The following PRMT8 variants were observed in gnomAD, a reference collection of about 807,000 sequenced individuals.
The protein encoded by PRMT8 is protein arginine methyltransferase 8.
PRMT8 carries 7 observed loss-of-function variants against 47.1 expected under a neutral mutation model. That is an observed-to-expected ratio of 0.15 (90% CI 0.08 to 0.28). PRMT8 has a LOEUF of 0.28. Among genes scored for constraint, PRMT8 ranks in the 10% least tolerant of loss-of-function variants. The pLI, the probability that PRMT8 is intolerant of heterozygous loss-of-function variation, is 1.00. For missense variants in PRMT8, 237 were observed against 505.4 expected (o/e 0.47, Z 5.09); for synonymous variants, 188 against 186.5 (o/e 1.01, Z -0.07).
intron 2 of PRMT8, among the ~76,000 whole-genome samples, chr12:3,543,694 C>A (rs1292219614): frequency 6.6e-6 from 1 of 152,220 alleles, no homozygotes; most frequent in South Asian, 2.1e-4. Context: ...CTTCTGTTCT[C>A]ATCCCATGCT....
intron 1 of PRMT8, among the ~76,000 whole-genome samples, 191 bp downstream of exon 1, chr12:3,491,891 G>GTGT (rs1865415470): frequency 2.1e-5 from 2 of 94,544 alleles, no homozygotes; most frequent in Non-Finnish European, 2.3e-5. Context: ...TGTGTGTGTT[G>GTGT]GTGGGGGGTG....
chr12:3,452,539 G>C (rs943876056), intron 1 of PRMT8, among the ~76,000 whole-genome samples: 3 of 152,222 alleles, frequency 2.0e-5, no homozygotes, highest in Non-Finnish European at 4.4e-5. Context: ...TCCAGGGGCA[G>C]AACCTGGGTT....
intron 1 of PRMT8, among the ~76,000 whole-genome samples, chr12:3,522,041 C>A (rs1865887368): frequency 6.6e-6 from 1 of 152,146 alleles, no homozygotes; most frequent in African/African-American, 2.4e-5. Flanking sequence ...AAATCAAAGT[C>A]TCAGAAAGTA....
intron 1 of PRMT8, among the ~76,000 whole-genome samples, chr12:3,463,956 A>G (rs1565414023): frequency 1.3e-5 from 2 of 152,312 alleles, no homozygotes; most frequent in Admixed American, 6.5e-5. Flanking sequence ...AAAGGTACCA[A>G]TATTACCGGA....
chr12:3,393,205 C>G (rs202200056), intron 1 of PRMT8, among the ~76,000 whole-genome samples: 56 of 145,454 alleles, frequency 3.9e-4, no homozygotes, highest in South Asian at 2.0e-3. Context: ...TGTGCAGAAG[C>G]TCTTTAGTTT....
chr12:3,441,146 C>G (rs535046819), intron 1 of PRMT8, among the ~76,000 whole-genome samples: 4 of 152,242 alleles, frequency 2.6e-5, no homozygotes, highest in Admixed American at 1.3e-4. Context: ...CAAATTCTAC[C>G]ACATTGCTCT....
At position 3,452,316 on chromosome 12, in the gene PRMT8, A is replaced by AACACAC. The variant is rs10630697; in HGVS notation, c.48+70888_48+70893dup. 1.9e-3 allele frequency among the ~76,000 whole-genome samples: 283 copies of AACACAC among 150,160 alleles called. 2 individuals carry two copies. Among genetic ancestry groups the AACACAC allele is most frequent in the African/African-American group, 5.6e-3 (229 of 41,096 alleles). ...CACATGTGCCCCTGAACCTAAATTA[A>AACACAC]ACACACACACACACACACATACACA... On this transcript the variant is annotated intron_variant, in intron 1 of 9. Coordinates refer to the PRMT8 transcript ENST00000452611.
intron 1 of PRMT8, among the ~76,000 whole-genome samples, chr12:3,396,707 C>T (rs1315868773): frequency 3.3e-5 from 5 of 151,546 alleles, no homozygotes; most frequent in Admixed American, 2.0e-4. Flanking sequence ...TTGCTCTTCT[C>T]GAGGAGTATC....
In PRMT8 at chr12:3,439,350, C is replaced by T. The variant is rs796364400; in HGVS notation, c.48+57908C>T. ...TGGTCTCTTTCTCTCCCTGTCTCTC[C>T]TGGGTACCGGTGGTCTCAACAGAAT... On this transcript the variant is annotated intron_variant, in intron 1 of 9. Transcript: ENST00000452611. Among the ~76,000 whole-genome samples the T allele has an allele frequency of 2.0e-5, 3 of 152,140 alleles. No homozygotes were observed. The South Asian group carries it at 6.2e-4, about 32-fold the overall frequency.
At chr12:3,544,212 G>A (rs1866285618) in intron 2 of PRMT8, among the ~76,000 whole-genome samples, 1 of 152,210 alleles carries the variant, frequency 6.6e-6, no homozygotes, top group African/African-American at 2.4e-5. Flanking sequence ...TGTCTTGGGA[G>A]TTCTTTGGGC....
At chr12:3,416,630 T>C (rs1864486327) in intron 1 of PRMT8, among the ~76,000 whole-genome samples, 1 of 152,236 alleles carries the variant, frequency 6.6e-6, no homozygotes. Context: ...AGCACAGAGC[T>C]CTTTACAGGA....
chr12:3,451,068 TG>T (rs1223648237), intron 1 of PRMT8, among the ~76,000 whole-genome samples: 1 of 90,320 alleles, frequency 1.1e-5, no homozygotes, highest in Non-Finnish European at 2.1e-5. Context: ...CGAAAGGTTT[TG>T]GGACCCCAGG....
chr12:3,509,598 C>T (rs1172953606), intron 1 of PRMT8, among the ~76,000 whole-genome samples: 1 of 152,200 alleles, frequency 6.6e-6, no homozygotes, highest in Non-Finnish European at 1.5e-5. Context: ...GTTCAATGAA[C>T]TATCATTGGC....
chr12:3,469,353 G>T, intron 1 of PRMT8: 3 of 311,230 alleles, frequency 9.6e-6, no homozygotes, highest in South Asian at 3.2e-5. Context: ...AGTGGAAATT[G>T]TCCTTAGAAG....
intron 1 of PRMT8, among the ~76,000 whole-genome samples, chr12:3,399,601 G>A (rs1245258004): frequency 6.6e-6 from 1 of 152,166 alleles, no homozygotes; most frequent in Non-Finnish European, 1.5e-5. Flanking sequence ...TACCTGAAAT[G>A]ATGTCCTTGG....
chr12:3,490,714 AGAGAG>A (rs1565420862), upstream of PRMT8, among the ~76,000 whole-genome samples: 4 of 148,010 alleles, frequency 2.7e-5, no homozygotes, highest in African/African-American at 7.5e-5. Flanking sequence ...AGAGAGAGAG[AGAGAG>A]AAAAGGATAA....
intron 1 of PRMT8, among the ~76,000 whole-genome samples, chr12:3,408,392 C>G (rs1432818898): frequency 6.6e-6 from 1 of 152,038 alleles, no homozygotes; most frequent in East Asian, 1.9e-4. Flanking sequence ...CAACAATATC[C>G]TTGGCTAAAT....
chr12:3,477,682 T>C (rs1295227800), intron 1 of PRMT8, among the ~76,000 whole-genome samples: 1 of 152,230 alleles, frequency 6.6e-6, no homozygotes, highest in Non-Finnish European at 1.5e-5. Flanking sequence ...CTTTTCCGAT[T>C]GTTGGTGCTT....
chr12:3,464,917 G>C (rs1361672177), intron 1 of PRMT8, among the ~76,000 whole-genome samples: 1 of 151,914 alleles, frequency 6.6e-6, no homozygotes, highest in African/African-American at 2.4e-5. Context: ...CTGAGGTCTG[G>C]AGTTCCAGAC....
Sources: gnomAD v4.1 joint callset for allele counts (sites outside exome capture counted in the v4.1 genomes callset) on GRCh38, gnomAD v4.1.1 for gene constraint, MANE v1.5 for transcripts, NCBI Gene and HGNC (gene_info 2026-07-23, HGNC 2026-07-21) for gene names.